The following BTBD8 variants were observed in gnomAD, a reference collection of about 807,000 sequenced individuals.
The protein encoded by BTBD8 is BTB domain containing 8, also known as BTB/POZ domain-containing protein 8.
Under a neutral mutation model 162.9 loss-of-function variants are expected in BTBD8, and 110 were observed. That is an observed-to-expected ratio of 0.68 (90% CI 0.58 to 0.79). The LOEUF is 0.79. Among genes scored for constraint, BTBD8 ranks in the 30% least tolerant of loss-of-function variants. The probability of loss-of-function intolerance (pLI) is 0.00; values close to 1 mark genes in which losing one functional copy is unlikely to be tolerated. For missense variants in BTBD8, 1,905 were observed against 2,085.4 expected (o/e 0.91, Z 1.68); for synonymous variants, 667 against 716.1 (o/e 0.93, Z 1.10).
intron 4 of BTBD8, among the ~76,000 whole-genome samples, chr1:92,127,923 G>A (rs1649403630): frequency 6.6e-6 from 1 of 152,096 alleles, no homozygotes; most frequent in South Asian, 2.1e-4. Flanking sequence ...CTGGTGGGTT[G>A]TGGGTAGGGT....
At chr1:92,175,477 C>CAGAAA (rs1650685429) in intron 13 of BTBD8, among the ~76,000 whole-genome samples, 1 of 37,438 alleles carries the variant, frequency 2.7e-5, no homozygotes, top group Non-Finnish European at 4.7e-5. Flanking sequence ...GACTCCATCT[C>CAGAAA]AAAAAAAAAA....
intron 2 of BTBD8, among the ~76,000 whole-genome samples, chr1:92,093,429 T>C (rs1266831041): frequency 1.3e-5 from 2 of 152,124 alleles, no homozygotes; most frequent in South Asian, 2.1e-4. Flanking sequence ...CGACCTCAGG[T>C]GATCTGCCCA....
chr1:92,177,842 C>A lies in BTBD8; in HGVS notation c.2385C>A (p.Thr795=). The change falls in exon 15 of 18, where the codon ACC becomes ACA. Residue 795 remains threonine (T), a synonymous_variant. Coordinates refer to ENST00000636805, the MANE Select transcript of BTBD8 (RefSeq NM_001376131.1). ...AATCTCGACCTGTTTCAAGAGTTAC[C>A]AATGGAACTTCCAATAAAAAAAGTA... ...AIKSRPVSRV[T]NGTSNKKSIH... 1 of 1,542,562 alleles carries A rather than the reference C, an allele frequency of 6.5e-7. No individual in the cohort carries two copies. Among genetic ancestry groups the A allele is most frequent in the South Asian group, 1.2e-5 (1 of 83,748 alleles).
chr1:92,092,028 T>C (rs1169271373), intron 2 of BTBD8, among the ~76,000 whole-genome samples: 1 of 152,076 alleles, frequency 6.6e-6, no homozygotes, highest in South Asian at 2.1e-4. Flanking sequence ...AGTGTGATAG[T>C]AGGTGGAGAC....
intron 1 of BTBD8, among the ~76,000 whole-genome samples, chr1:92,087,107 A>G (rs933905119): frequency 6.6e-6 from 1 of 152,246 alleles, no homozygotes; most frequent in Admixed American, 6.5e-5. Context: ...GATTTGTAAC[A>G]TAACAAAATA....
rs957414414 is a variant in BTBD8, at chr1:92,177,754, C to T, written c.2354-57C>T. 13 of 1,041,946 alleles carry T rather than the reference C, an allele frequency of 1.2e-5. No individual in the cohort carries two copies. In the Admixed American group the frequency reaches 1.3e-4, roughly 11 times the overall value. The allele number at this position is 1,041,946 out of a possible 1,614,324, so 64.5% of individuals were successfully genotyped here. On this transcript the variant is annotated intron_variant, in intron 14 of 17. Transcript: ENST00000636805. Reference sequence around the variant, plus strand: ...ATAGTGTCTAACCAGTAAACTTACACGTTTGTTACATATTTAATGTATTCT... The same window carrying T: ...ATAGTGTCTAACCAGTAAACTTACATGTTTGTTACATATTTAATGTATTCT...
chr1:92,167,305 G>T (rs1356882310), intron 10 of BTBD8, among the ~76,000 whole-genome samples, 165 bp downstream of exon 10: 2 of 152,214 alleles, frequency 1.3e-5, no homozygotes, highest in African/African-American at 4.8e-5. Context: ...GTGATGGACA[G>T]GATATTTGGC....
Position 92,139,341 on chromosome 1 carries a change from A to G in BTBD8, c.753-9A>G. On this transcript the variant is annotated splice_polypyrimidine_tract_variant and intron_variant, in intron 5 of 17. Transcript: ENST00000636805. ...TAATTCTGGATTTGAGTTTTCTTTT[A>G]TTTTTCAGTATAAGCCATGTAGAAC... is the stretch of plus-strand genomic sequence containing the variant. 1 of 1,555,786 alleles carries G rather than the reference A, an allele frequency of 6.4e-7. No individual in the cohort carries two copies. The highest frequency in any genetic ancestry group is 8.6e-7 in the Non-Finnish European group (1 of 1,162,804).
intron 3 of BTBD8, among the ~76,000 whole-genome samples, chr1:92,104,772 T>C (rs142089757): frequency 1.3e-5 from 2 of 152,308 alleles, no homozygotes; most frequent in East Asian, 3.9e-4. Context: ...AAACTTCTGT[T>C]TTCTGTGACA....
At chr1:92,155,098 T>A (rs1650131000) in intron 9 of BTBD8, among the ~76,000 whole-genome samples, 1 of 152,238 alleles carries the variant, frequency 6.6e-6, no homozygotes, top group African/African-American at 2.4e-5. Flanking sequence ...GGCTCTCTGT[T>A]CTGTTCCATT....
In BTBD8 at chr1:92,182,053, C is replaced by T. The variant is rs751772493; in HGVS notation, c.4370C>T (p.Thr1457Ile). The T allele has an allele frequency of 1.3e-6, 2 of 1,551,432 alleles. No individual in the cohort carries two copies. Among genetic ancestry groups the T allele is most frequent in the Non-Finnish European group, 1.7e-6 (2 of 1,146,908 alleles). Residue 1457 changes from threonine (T) to isoleucine (I), a missense_variant, in exon 17 of 18, where the codon ACT becomes ATT. Physicochemically the swap from Thr to Ile is moderately conservative, Grantham distance 89 (BLOSUM62 -1). This residue lies in a region of BTBD8 where 517 missense variants were observed against 606.6 expected (regional missense o/e 0.85). Transcript: ENST00000636805. ...ELGSDEGEVH[T>I]PFQASVDSFS... ...GGATCAGATGAAGGAGAAGTCCATA[C>T]TCCCTTTCAGGCTTCTGTAGATTCT...
intron 8 of BTBD8, 86 bp downstream of exon 8, chr1:92,147,354 G>C: frequency 8.4e-7 from 1 of 1,192,678 alleles, no homozygotes; most frequent in Non-Finnish European, 1.2e-6. Context: ...CTTTAGAGTT[G>C]GCCTGTTTTC....
chr1:92,161,592 A>G (rs1484542002), intron 9 of BTBD8, among the ~76,000 whole-genome samples: 1 of 152,232 alleles, frequency 6.6e-6, no homozygotes, highest in African/African-American at 2.4e-5. Context: ...GGAAGTACAG[A>G]TACCTCTTAA....
intron 4 of BTBD8, among the ~76,000 whole-genome samples, chr1:92,109,252 C>CT (rs77374096): frequency 4.3e-3 from 531 of 123,964 alleles, no homozygotes; most frequent in African/African-American, 0.011. Context: ...GTCTTGTTTT[C>CT]TTTTTTTTTT....
chr1:92,134,796 C>T (rs754335882), intron 5 of BTBD8, among the ~76,000 whole-genome samples: 1 of 151,978 alleles, frequency 6.6e-6, no homozygotes, highest in Non-Finnish European at 1.5e-5. Flanking sequence ...GTCTCTGTGT[C>T]CCCTTAGCCC....
At chr1:92,092,024 A>G (rs535637942) in intron 2 of BTBD8, among the ~76,000 whole-genome samples, 1 of 152,180 alleles carries the variant, frequency 6.6e-6, no homozygotes, top group South Asian at 2.1e-4. Context: ...CCTCAGTGTG[A>G]TAGTAGGTGG....
Position 92,147,665 on chromosome 1 carries a change from T to C in BTBD8, c.1020-19T>C, listed in dbSNP as rs1309857644. 3.8e-6 allele frequency: 6 copies of C among 1,565,812 alleles called. No homozygotes were observed. On this transcript the variant is annotated intron_variant, in intron 8 of 17. Coordinates refer to ENST00000636805, the MANE Select transcript of BTBD8 (RefSeq NM_001376131.1). ...AAACATCTTAATTTCTTTAACGTGG[T>C]ATTCTTTTATTTTAACAGGTGGATT... is the stretch of plus-strand genomic sequence containing the variant.
At chr1:92,096,250 T>C (rs943787896) in intron 2 of BTBD8, among the ~76,000 whole-genome samples, 1 of 152,214 alleles carries the variant, frequency 6.6e-6, no homozygotes, top group Non-Finnish European at 1.5e-5. Flanking sequence ...ATTACAGGCA[T>C]GAACCATCAA....
chr1:92,118,654 T>C (rs1374561298), intron 4 of BTBD8, among the ~76,000 whole-genome samples: 1 of 151,978 alleles, frequency 6.6e-6, no homozygotes, highest in Non-Finnish European at 1.5e-5. Context: ...CCAGGGGTAT[T>C]ATCCACATAA....
Sources: gnomAD v4.1 joint callset for allele counts (sites outside exome capture counted in the v4.1 genomes callset) on GRCh38, gnomAD v4.1.1 for gene constraint, gnomAD v4.1.1 regional missense constraint, MANE v1.5 for transcripts, NCBI Gene and HGNC (gene_info 2026-07-23, HGNC 2026-07-21) for gene names.